The following SEC23IP variants were observed in gnomAD, a reference collection of about 807,000 sequenced individuals.
SEC23IP encodes SEC23 interacting protein.
In SEC23IP, 70 loss-of-function variants were observed where a neutral mutation model predicts 113.4. That is an observed-to-expected ratio of 0.62 (90% CI 0.51 to 0.75). SEC23IP has a LOEUF of 0.75. Ranked by LOEUF, SEC23IP falls within the 30% of genes least tolerant of loss-of-function variation. The pLI is 0.00. For missense variants in SEC23IP, 1,160 were observed against 1,204.9 expected (o/e 0.96, Z 0.55); for synonymous variants, 398 against 421.0 (o/e 0.95, Z 0.67).
intron 18 of SEC23IP, among the ~76,000 whole-genome samples, chr10:119,934,304 G>A (rs962290642): frequency 6.6e-6 from 1 of 152,202 alleles, no homozygotes; most frequent in African/African-American, 2.4e-5. Flanking sequence ...CCTCACATCT[G>A]TCGCTCTTAA....
intron 18 of SEC23IP, among the ~76,000 whole-genome samples, chr10:119,935,937 C>T (rs78459908): frequency 1.7e-3 from 262 of 152,292 alleles, no homozygotes; most frequent in Admixed American, 4.2e-3. Context: ...AGAGTGACCT[C>T]GTTCTTTTTA....
At position 119,898,028 on chromosome 10, in the gene SEC23IP, T is replaced by A. The variant is rs868033215; in HGVS notation, c.164-399T>A. Among the ~76,000 whole-genome samples the A allele has an allele frequency of 2.5e-3, 374 of 147,496 alleles. 3 individuals are homozygous for A. Among genetic ancestry groups the A allele is most frequent in the African/African-American group, 8.7e-3 (346 of 39,748 alleles). Reference sequence around the variant, plus strand: ...TCAAAAAAAAATAAAAAAAAAAAAATAAATAAAAATAGTAAGTATAGATTT... The same window carrying A: ...TCAAAAAAAAATAAAAAAAAAAAAAAAAATAAAAATAGTAAGTATAGATTT... On this transcript the variant is annotated intron_variant, in intron 1 of 18. Transcript: ENST00000369075.
intron 12 of SEC23IP, among the ~76,000 whole-genome samples, chr10:119,924,223 A>C (rs1855344487): frequency 2.0e-5 from 3 of 152,204 alleles, no homozygotes; most frequent in African/African-American, 7.2e-5. Flanking sequence ...GGAATTAAAT[A>C]ATAAGATCAT....
At chr10:119,926,411 A>G (rs1855423926) in intron 13 of SEC23IP, among the ~76,000 whole-genome samples, 184 bp downstream of exon 13, 1 of 152,260 alleles carries the variant, frequency 6.6e-6, no homozygotes, top group African/African-American at 2.4e-5. Context: ...GATTAAATGC[A>G]TACAGAACGT....
intron 11 of SEC23IP, 42 bp from the exon 12 acceptor site, chr10:119,920,847 A>G (rs2271123): frequency 0.07 from 90,975 of 1,295,424 alleles, 5,537 homozygotes; most frequent in South Asian, 0.25. Flanking sequence ...CAGTTCTTCT[A>G]TCACTAGATT....
Position 119,926,253 on chromosome 10 carries a change from A to G in SEC23IP, c.2313+26A>G, listed in dbSNP as rs767693637. 2.5e-6 allele frequency: 4 copies of G among 1,584,530 alleles called. No homozygotes were observed. The Admixed American group carries it at 5.2e-5, about 20-fold the overall frequency. ...GTGAGTTTACATATTGACTGGGGCT[A>G]CATAGTTCATGTTGGAATCATAATC... is the stretch of plus-strand genomic sequence containing the variant. On this transcript the variant is annotated intron_variant, in intron 13 of 18. Transcript: ENST00000369075.
At chr10:119,912,216 G>A in intron 6 of SEC23IP, 52 bp downstream of exon 6, 1 of 1,564,458 alleles carries the variant, frequency 6.4e-7, no homozygotes, top group Non-Finnish European at 8.7e-7. Flanking sequence ...CTCCATTTTA[G>A]CATCATTCTT....
chr10:119,897,748 A>G (rs1854324438), intron 1 of SEC23IP, among the ~76,000 whole-genome samples: 1 of 152,218 alleles, frequency 6.6e-6, no homozygotes, highest in Admixed American at 6.5e-5. Context: ...CCGTAATCCC[A>G]GCACTTTGGG....
chr10:119,925,707 A>C (rs1855397150), intron 12 of SEC23IP, among the ~76,000 whole-genome samples: 1 of 151,836 alleles, frequency 6.6e-6, no homozygotes, highest in Non-Finnish European at 1.5e-5. Context: ...AGGCCTGGCT[A>C]ATTTTTTCTT....
intron 12 of SEC23IP, among the ~76,000 whole-genome samples, chr10:119,925,365 C>T (rs1328190899): frequency 6.6e-6 from 1 of 152,088 alleles, no homozygotes. Context: ...TTCTTTTACT[C>T]AGTATTTTTG....
rs774641043 is a variant in SEC23IP, at chr10:119,912,140, G to A, written c.1288G>A (p.Asp430Asn). 5 of 1,613,964 alleles carry A rather than the reference G, an allele frequency of 3.1e-6. No individual in the cohort carries two copies. In the South Asian group the frequency reaches 4.4e-5, roughly 14 times the overall value. Residue 430 changes from aspartate to asparagine, a missense_variant, in exon 6 of 19, where the codon GAT becomes AAT. Transcript: ENST00000369075. ...RPRVVKRGID[D>N]NLDEIPDGEM... ...CAGGGTTGTAAAGCGTGGAATTGAT[G>A]ATAACCTTGATGAAATTCCCGACGG... is the stretch of plus-strand genomic sequence containing the variant.
In SEC23IP at chr10:119,930,335, C is replaced by A; in HGVS notation, c.2476C>A (p.Pro826Thr). 6.3e-7 allele frequency: 1 copy of A among 1,574,854 alleles called. No homozygotes were observed. Residue 826 changes from proline to threonine, a missense_variant, in exon 15 of 19, where the codon CCA (proline) becomes ACA (threonine). Transcript: ENST00000369075. ...GFFNIYHPLD[P>T]VAYRLEPMIV... ...TAAATTCTTCTATTTATAGCTTGATCCAGTGGCATATAGATTAGAACCTAT... is the reference window on the plus strand; with the variant it reads ...TAAATTCTTCTATTTATAGCTTGATACAGTGGCATATAGATTAGAACCTAT...
chr10:119,930,476 A>G (rs1450220060), intron 15 of SEC23IP, 45 bp downstream of exon 15: 2 of 1,137,380 alleles, frequency 1.8e-6, no homozygotes, highest in Non-Finnish European at 2.6e-6. Flanking sequence ...GTCATTTGTA[A>G]TCTGTAATGA....
chr10:119,893,079 G>C, intron 1 of SEC23IP, 134 bp downstream of exon 1: 1 of 947,836 alleles, frequency 1.1e-6, no homozygotes, highest in Non-Finnish European at 1.5e-6. Flanking sequence ...TACTGGCCAG[G>C]TTTGAGTGGG....
At position 119,932,871 on chromosome 10, in the gene SEC23IP, G is replaced by A. The variant is rs1431400010; in HGVS notation, c.2759-134G>A. ...TCTTCCCCTGGCTCTTTGGAGGAAC[G>A]GGGAGTGAGCCTGGTAGCTCCTCAG... On this transcript the variant is annotated intron_variant, in intron 16 of 18. Transcript: ENST00000369075. 2.4e-5 allele frequency: 17 copies of A among 699,078 alleles called. No homozygotes were observed. The South Asian group carries it at 2.7e-4, about 11-fold the overall frequency. 43.3% of individuals were successfully genotyped at this position (699,078 alleles called of 1,614,324 possible).
chr10:119,937,646 A>G (rs1363430867), intron 18 of SEC23IP, among the ~76,000 whole-genome samples: 3 of 151,968 alleles, frequency 2.0e-5, no homozygotes, highest in Non-Finnish European at 4.4e-5. Flanking sequence ...ACAAAAAAAC[A>G]AAAAACATAG....
At chr10:119,932,679 G>A (rs999763072) in intron 16 of SEC23IP, among the ~76,000 whole-genome samples, 2 of 152,196 alleles carry the variant, frequency 1.3e-5, no homozygotes, top group Non-Finnish European at 2.9e-5. Context: ...GTTTAACTAT[G>A]TTACAGACTT....
intron 6 of SEC23IP, among the ~76,000 whole-genome samples, chr10:119,913,736 C>T (rs1854948895): frequency 1.3e-5 from 2 of 151,736 alleles, no homozygotes; most frequent in African/African-American, 2.4e-5. Context: ...AAGTGATCCA[C>T]GTGCCTCGGC....
At chr10:119,905,166 G>A (rs35073655) in intron 4 of SEC23IP, among the ~76,000 whole-genome samples, 8,198 of 151,790 alleles carry the variant, frequency 0.054, 411 homozygotes, top group South Asian at 0.25. Flanking sequence ...TTGTATATGT[G>A]CATATATGTG....
Sources: gnomAD v4.1 joint callset for allele counts (sites outside exome capture counted in the v4.1 genomes callset) on GRCh38, gnomAD v4.1.1 for gene constraint, MANE v1.5 for transcripts, NCBI Gene and HGNC (gene_info 2026-07-23, HGNC 2026-07-21) for gene names.